The following KIRREL3 variants were observed in gnomAD, a reference collection of about 807,000 sequenced individuals.
The protein encoded by KIRREL3 is kirre like nephrin family adhesion molecule 3, also known as kin of IRRE-like protein 3.
A neutral mutation model predicts 89.7 loss-of-function variants in KIRREL3; 36 were observed. The observed-to-expected ratio is 0.40, with a 90% CI of 0.31 to 0.53. KIRREL3 has a LOEUF of 0.53. KIRREL3 is among the 20% of genes least tolerant of loss of function. The pLI is 0.49. For synonymous variants in KIRREL3, 445 were observed against 441.4 expected (o/e 1.01, Z -0.10); for missense variants, 864 against 1,056.6 (o/e 0.82, Z 2.53).
chr11:126,423,745 T>C lies in KIRREL3; in HGVS notation c.*835A>G, dbSNP rs1023117201. 6.6e-6 allele frequency: 1 copy of C among 152,068 alleles called. No individual in the cohort carries two copies. The allele number at this position is 152,068 out of a possible 1,614,324, so 9.4% of individuals were successfully genotyped here. A position where few individuals can be genotyped will look rare whatever the true frequency, so the allele number is the denominator to read the frequency against. On this transcript the variant is annotated 3_prime_UTR_variant, in exon 17 of 17. Transcript: ENST00000525144. The stretch of plus-strand genomic sequence containing the variant: ...CAGAGAAGCTCCCGCACTTCTTATA[T>C]GAACTCCGATTGTGCTGAGGGGGAG...
intron 1 of KIRREL3, among the ~76,000 whole-genome samples, chr11:126,787,946 AT>A (rs1369133291): frequency 6.6e-6 from 1 of 152,174 alleles, no homozygotes; most frequent in Non-Finnish European, 1.5e-5. Context: ...GCACTCTTCT[AT>A]TGAATCCTCA....
chr11:126,452,416 C>G (rs977451062), intron 7 of KIRREL3, among the ~76,000 whole-genome samples: 12 of 152,332 alleles, frequency 7.9e-5, no homozygotes, highest in South Asian at 2.1e-4. Flanking sequence ...GGCGAGGGGG[C>G]CAGGTGGTGG....
chr11:126,547,400 G>A (rs999694001), intron 2 of KIRREL3, among the ~76,000 whole-genome samples: 14 of 152,238 alleles, frequency 9.2e-5, no homozygotes, highest in Non-Finnish European at 1.5e-5. Context: ...AATCACGAAG[G>A]CTGCATCTGA....
intron 1 of KIRREL3, among the ~76,000 whole-genome samples, chr11:126,951,098 G>C (rs556039923): frequency 1.3e-5 from 2 of 152,204 alleles, no homozygotes; most frequent in African/African-American, 2.4e-5. Context: ...GATAATCCCA[G>C]GCTCTGGAGG....
chr11:126,446,257 T>C (rs1229032873), intron 9 of KIRREL3, among the ~76,000 whole-genome samples: 1 of 105,782 alleles, frequency 9.5e-6, no homozygotes, highest in East Asian at 2.2e-4. Flanking sequence ...TTCTCTTTCT[T>C]TTCTTTCTCT....
At chr11:126,452,061 C>G (rs1379505927) in intron 7 of KIRREL3, among the ~76,000 whole-genome samples, 2 of 152,174 alleles carry the variant, frequency 1.3e-5, no homozygotes, top group African/African-American at 2.4e-5. Flanking sequence ...TTGCCTCCGT[C>G]TGACCCATCC....
rs1166748352 is a variant in KIRREL3, at chr11:126,647,536, A to T, written c.56-84624T>A. 6.6e-6 allele frequency among the ~76,000 whole-genome samples: 1 copy of T among 152,222 alleles called. No individual in the cohort carries two copies. Among genetic ancestry groups the T allele is most frequent in the Non-Finnish European group, 1.5e-5 (1 of 68,040 alleles). On this transcript the variant is annotated intron_variant, in intron 1 of 16. Coordinates refer to ENST00000525144, the MANE Select transcript of KIRREL3 (RefSeq NM_032531.4). The surrounding 1 kb of genome is among the most constrained non-coding windows in gnomAD (Gnocchi z 4.9). ...ACGTTTATCAGGCACCTTTTAGTGT[A>T]AGGTACTCTGCTGGGAGCCCAAAAG...
In KIRREL3 at chr11:126,525,373, C is replaced by T. The variant is rs1268285811; in HGVS notation, c.283+1165G>A. Among the ~76,000 whole-genome samples the T allele has an allele frequency of 3.3e-5, 5 of 152,168 alleles. No homozygotes were observed. The highest frequency in any genetic ancestry group is 2.0e-4 in the Admixed American group (3 of 15,276). ...TCGGAGTCTCTGAAATTGGCTGGTTCCCATAACAGTTAAACTTTATGGCAG... is the reference window on the plus strand; with the variant it reads ...TCGGAGTCTCTGAAATTGGCTGGTTTCCATAACAGTTAAACTTTATGGCAG... On this transcript the variant is annotated intron_variant, in intron 3 of 16. Coordinates refer to ENST00000525144, the MANE Select transcript of KIRREL3 (RefSeq NM_032531.4). The surrounding 1 kb of genome is among the most constrained non-coding windows in gnomAD (Gnocchi z 5.4).
chr11:126,562,810 A>G lies in KIRREL3; in HGVS notation c.133+25T>C. 2.5e-6 allele frequency: 4 copies of G among 1,604,386 alleles called. No homozygotes were observed. Among genetic ancestry groups the G allele is most frequent in the Non-Finnish European group, 3.4e-6 (4 of 1,171,266 alleles). On this transcript the variant is annotated intron_variant, in intron 2 of 16. Transcript: ENST00000525144. The surrounding 1 kb of genome is among the most constrained non-coding windows in gnomAD (Gnocchi z 4.7). Reference sequence around the variant, plus strand: ...GCTTCCTCCCTCCAGATTACTCCCGAGACAATGGGGAGGTTCTCACTGACC... The same window carrying G: ...GCTTCCTCCCTCCAGATTACTCCCGGGACAATGGGGAGGTTCTCACTGACC...
Position 126,977,603 on chromosome 11 carries a change from C to T in KIRREL3, c.55+22852G>A, listed in dbSNP as rs1286453453. 6.6e-6 allele frequency among the ~76,000 whole-genome samples: 1 copy of T among 152,216 alleles called. No individual in the cohort carries two copies. The highest frequency in any genetic ancestry group is 1.5e-5 in the Non-Finnish European group (1 of 68,038). ...CCTACTATGCACCTGTCTATTTCATCAGGTTTATACCTTGTTGGCACAATG... is the reference window on the plus strand; with the variant it reads ...CCTACTATGCACCTGTCTATTTCATTAGGTTTATACCTTGTTGGCACAATG... On this transcript the variant is annotated intron_variant, in intron 1 of 16. Transcript: ENST00000525144. The surrounding 1 kb of genome is among the most constrained non-coding windows in gnomAD (Gnocchi z 4.7).
rs559264784 is a variant in KIRREL3, at chr11:126,723,145, G to T, written c.56-160233C>A. 2.0e-5 allele frequency among the ~76,000 whole-genome samples: 3 copies of T among 152,154 alleles called. No individual in the cohort carries two copies. Among genetic ancestry groups the T allele is most frequent in the Non-Finnish European group, 2.9e-5 (2 of 68,028 alleles). On this transcript the variant is annotated intron_variant, in intron 1 of 16. Coordinates refer to ENST00000525144, the MANE Select transcript of KIRREL3 (RefSeq NM_032531.4). The surrounding 1 kb of genome is among the most constrained non-coding windows in gnomAD (Gnocchi z 4.0). ...AGTGGGTAGGGACTGTGGTTTGTTC[G>T]TCTCCGTCCCAGGCATCTATCTCAG... is the stretch of plus-strand genomic sequence containing the variant.
rs897102546 is a variant in KIRREL3 at position 126,652,230 on chromosome 11, C to T, written c.56-89318G>A. ...TTGGTTGAGTTCCGGTGTCTGTTAA[C>T]CCCCCACCCCTTGTTCTTTGTGTGA... On this transcript the variant is annotated intron_variant, in intron 1 of 16. Coordinates refer to ENST00000525144, the MANE Select transcript of KIRREL3 (RefSeq NM_032531.4). The surrounding 1 kb of genome is among the most constrained non-coding windows in gnomAD (Gnocchi z 4.9). Among the ~76,000 whole-genome samples, 1 of 151,986 alleles carries T rather than the reference C, an allele frequency of 6.6e-6. No homozygotes were observed. Among genetic ancestry groups the T allele is most frequent in the African/African-American group, 2.4e-5 (1 of 41,348 alleles).
At chr11:126,885,616 C>A (rs1446242187) in intron 1 of KIRREL3, among the ~76,000 whole-genome samples, 1 of 152,174 alleles carries the variant, frequency 6.6e-6, no homozygotes, top group Non-Finnish European at 1.5e-5. Flanking sequence ...TGAGAAAAAG[C>A]CAGAAATGCT....
At position 126,993,546 on chromosome 11, in the gene KIRREL3, G is replaced by A. The variant is rs1950098133; in HGVS notation, c.55+6909C>T. ...CACCTGTTTTCAGAACACTCTGACA[G>A]CTCTGAACCCATCATATTGTAACCT... On this transcript the variant is annotated intron_variant, in intron 1 of 16. Transcript: ENST00000525144. This position sits in a 1 kb window ranked among gnomAD's most constrained non-coding sequence, Gnocchi z 6.1. Among the ~76,000 whole-genome samples the A allele has an allele frequency of 5.9e-5, 9 of 152,162 alleles. No individual in the cohort carries two copies. Among genetic ancestry groups the A allele is most frequent in the Admixed American group, 5.9e-4 (9 of 15,284 alleles).
At chr11:126,470,689 G>A (rs987518527) in intron 5 of KIRREL3, among the ~76,000 whole-genome samples, 12 of 152,270 alleles carry the variant, frequency 7.9e-5, no homozygotes, top group African/African-American at 2.6e-4. Flanking sequence ...TGAGGCGAGC[G>A]GGCGTTCTGG....
rs1273573470 is a variant in KIRREL3 at position 126,431,051 on chromosome 11, T to C, written c.1696+368A>G. The C allele has an allele frequency of 2.4e-6, 3 of 1,259,980 alleles. No individual in the cohort carries two copies. Among genetic ancestry groups the C allele is most frequent in the African/African-American group, 1.5e-5 (1 of 66,488 alleles). 78.1% of individuals were successfully genotyped at this position (1,259,980 alleles called of 1,614,324 possible). ...GCAGCTCTTTATTTTTATTTTGTTGTAGAGATGGGGTCTCTCTAGACTAAC... is the reference window on the plus strand; with the variant it reads ...GCAGCTCTTTATTTTTATTTTGTTGCAGAGATGGGGTCTCTCTAGACTAAC... On this transcript the variant is annotated intron_variant, in intron 14 of 16. Transcript: ENST00000525144. The surrounding 1 kb of genome is among the most constrained non-coding windows in gnomAD (Gnocchi z 7.1).
rs192436182 is a variant in KIRREL3 at position 126,552,055 on chromosome 11, C to T, written c.133+10780G>A. 4.5e-3 allele frequency among the ~76,000 whole-genome samples: 691 copies of T among 152,370 alleles called. 2 individuals are homozygous for T. Among genetic ancestry groups the T allele is most frequent in the Non-Finnish European group, 8.0e-3 (545 of 68,040 alleles). On this transcript the variant is annotated intron_variant, in intron 2 of 16. Transcript: ENST00000525144. Reference sequence around the variant, plus strand: ...GGGATACCAAGCAAAGAGACAATGTCCTCTTTTGGTTCGAGACTCTTTCCA... The same window carrying T: ...GGGATACCAAGCAAAGAGACAATGTTCTCTTTTGGTTCGAGACTCTTTCCA...
At chr11:126,469,383 T>C (rs2068808508) in intron 5 of KIRREL3, among the ~76,000 whole-genome samples, 1 of 152,066 alleles carries the variant, frequency 6.6e-6, no homozygotes, top group South Asian at 2.1e-4. Context: ...TCCTCATATG[T>C]AGCCTCTCTG....
At position 126,605,689 on chromosome 11, in the gene KIRREL3, C is replaced by T. The variant is rs530319158; in HGVS notation, c.56-42777G>A. On this transcript the variant is annotated intron_variant, in intron 1 of 16. Coordinates refer to ENST00000525144, the MANE Select transcript of KIRREL3 (RefSeq NM_032531.4). The surrounding 1 kb of genome is among the most constrained non-coding windows in gnomAD (Gnocchi z 5.7). ...ATTGCCATTCTTGGCCACACATATC[C>T]GTCATGCTGGGCCTGGAGCTGTGCG... Among the ~76,000 whole-genome samples the T allele has an allele frequency of 8.5e-5, 13 of 152,298 alleles. No individual in the cohort carries two copies. The highest frequency in any genetic ancestry group is 8.3e-4 in the South Asian group (4 of 4,830).
Sources: allele counts gnomAD v4.1 joint callset (sites outside exome capture counted in the v4.1 genomes callset), GRCh38; gene constraint gnomAD v4.1.1; non-coding constraint Gnocchi (gnomAD v3.1); transcripts MANE v1.5; gene names NCBI Gene and HGNC (gene_info 2026-07-23, HGNC 2026-07-21).